TBC1D8: variants seen among roughly 807,000 people sequenced by gnomAD.
TBC1D8 encodes TBC1 domain family member 8.
A neutral mutation model predicts 118.8 loss-of-function variants in TBC1D8; 65 were observed. The ratio of observed to expected loss-of-function variants is 0.55; its 90% CI spans 0.45 to 0.67. The LOEUF is 0.67. Among genes scored for constraint, TBC1D8 ranks in the 30% least tolerant of loss-of-function variants. The pLI is 0.00. For synonymous variants in TBC1D8, 566 were observed against 595.8 expected, an observed-to-expected ratio of 0.95 and a Z score of 0.73; for missense variants, 1,376 against 1,471.2, an observed-to-expected ratio of 0.94 and a Z score of 1.06.
At chr2:101,136,062 G>A (rs1678842590) in intron 1 of TBC1D8, among the ~76,000 whole-genome samples, 1 of 152,072 alleles carries the variant, frequency 6.6e-6, no homozygotes, top group Admixed American at 6.5e-5. Context: ...GTTTCACCAT[G>A]TTGCCTAGGC....
chr2:101,113,935 T>C (rs569739323), intron 1 of TBC1D8, among the ~76,000 whole-genome samples: 2 of 152,294 alleles, frequency 1.3e-5, no homozygotes, highest in East Asian at 1.9e-4. Flanking sequence ...CCAAGCTACA[T>C]GCATTTCAAG....
chr2:101,127,471 A>G lies in TBC1D8; in HGVS notation c.127+23656T>C, dbSNP rs532946684. Among the ~76,000 whole-genome samples the G allele has an allele frequency of 2.0e-5, 3 of 152,266 alleles. No individual in the cohort carries two copies. The East Asian group carries it at 5.8e-4, about 29-fold the overall frequency. ...ACACCACTGAGGAGATGGGTCTACC[A>G]CGTGTAGAGAACAGACGTCAGTATG... is the stretch of plus-strand genomic sequence containing the variant. On this transcript the variant is annotated intron_variant, in intron 1 of 19. Coordinates refer to ENST00000409318, the MANE Select transcript of TBC1D8 (RefSeq NM_001330348.2).
rs112016704 is a variant in TBC1D8 at position 101,109,885 on chromosome 2, G to A, written c.128-19521C>T. ...GACTTTCCCTCCACAAGCCCAAACC[G>A]GCAAACTCTTTGCTGCATCTCCAGG... On this transcript the variant is annotated intron_variant, in intron 1 of 19. Coordinates refer to ENST00000409318, the MANE Select transcript of TBC1D8 (RefSeq NM_001330348.2). 2.6e-3 allele frequency: 2,540 copies of A among 985,418 alleles called. 50 individuals are homozygous for A. In the African/African-American group the frequency reaches 0.039, roughly 15 times the overall value. 61.0% of individuals were successfully genotyped at this position (985,418 alleles called of 1,614,324 possible).
Position 101,090,258 on chromosome 2 carries a change from T to C in TBC1D8, c.234A>G (p.Ala78=), listed in dbSNP as rs1239004981. 5.0e-6 allele frequency: 8 copies of C among 1,613,840 alleles called. No individual in the cohort carries two copies. The highest frequency in any genetic ancestry group is 1.1e-5 in the South Asian group (1 of 91,086). The stretch of plus-strand genomic sequence containing the variant: ...CTGATCCATTCAGTAACTCACCACA[T>C]GCTATGGGAGAATAAACCTGGGAGC... ...VPGSQVYSPI[A]CGELLNGSDV... Residue 78 remains alanine (A), a synonymous_variant, in exon 2 of 20, where the codon GCA becomes GCG. Transcript: ENST00000409318.
chr2:101,133,626 G>T (rs535406836), intron 1 of TBC1D8, among the ~76,000 whole-genome samples: 1 of 152,232 alleles, frequency 6.6e-6, no homozygotes, highest in East Asian at 1.9e-4. Context: ...GGAGCTCTCT[G>T]GGGTCTCTTT....
intron 1 of TBC1D8, among the ~76,000 whole-genome samples, chr2:101,147,556 C>A (rs775224008): frequency 2.6e-5 from 4 of 152,228 alleles, no homozygotes; most frequent in East Asian, 3.9e-4. Flanking sequence ...AACTGGAGTG[C>A]GGTATTTCCT....
chr2:101,113,117 T>G (rs1016001290), intron 1 of TBC1D8, among the ~76,000 whole-genome samples: 1 of 152,160 alleles, frequency 6.6e-6, no homozygotes, highest in African/African-American at 2.4e-5. Flanking sequence ...GAGAACCAGT[T>G]ATAAAGAATA....
chr2:101,013,978 C>CAGCCAAGTCATT, intron 17 of TBC1D8, among the ~76,000 whole-genome samples: 1 of 152,204 alleles, frequency 6.6e-6, no homozygotes, highest in Non-Finnish European at 1.5e-5. Context: ...AATTCCAATA[C>CAGCCAAGTCATT]AGCCAAGTCA....
chr2:101,057,862 T>C (rs1682530174), intron 3 of TBC1D8, among the ~76,000 whole-genome samples: 1 of 152,146 alleles, frequency 6.6e-6, no homozygotes, highest in South Asian at 2.1e-4. Context: ...GTTTTTCTCT[T>C]GTTAATCTTT....
At chr2:101,046,684 G>T (rs1573931164) in intron 5 of TBC1D8, among the ~76,000 whole-genome samples, 1 of 152,232 alleles carries the variant, frequency 6.6e-6, no homozygotes, top group East Asian at 1.9e-4. Flanking sequence ...GGGAGAGTGG[G>T]GGGAGGGGAG....
chr2:101,100,113 C>T (rs1432550385), intron 1 of TBC1D8, among the ~76,000 whole-genome samples: 2 of 152,136 alleles, frequency 1.3e-5, no homozygotes, highest in Non-Finnish European at 2.9e-5. Context: ...TAGAAAACCC[C>T]ATCATCTCAG....
intron 17 of TBC1D8, among the ~76,000 whole-genome samples, chr2:101,016,854 C>T (rs1189795510): frequency 6.6e-6 from 1 of 151,142 alleles, no homozygotes; most frequent in Non-Finnish European, 1.5e-5. Context: ...TGTTCTCACT[C>T]ATAGATGGGA....
chr2:101,011,464 G>A lies in TBC1D8; in HGVS notation c.2904C>T (p.Phe968=), dbSNP rs375301887. ...AGAGGTACGTGCCATTGGGTTTCCC[G>A]AAAACCAGGGGTCTCGATGTTGACA... The part of the protein sequence containing the change: ...PLLSTSRPLV[F]GKPNGDAVDY... Residue 968 remains phenylalanine (F), a synonymous_variant, in exon 18 of 20, where the codon TTC becomes TTT. Coordinates refer to ENST00000409318, the MANE Select transcript of TBC1D8 (RefSeq NM_001330348.2). The A allele has an allele frequency of 2.2e-5, 35 of 1,613,952 alleles. No homozygotes were observed. Among genetic ancestry groups the A allele is most frequent in the East Asian group, 4.5e-5 (2 of 44,884 alleles).
chr2:101,008,840 G>T (rs779494657), intron 19 of TBC1D8, among the ~76,000 whole-genome samples: 6 of 151,856 alleles, frequency 4.0e-5, no homozygotes, highest in African/African-American at 7.3e-5. Context: ...CCACAGCAAC[G>T]TACAGATTTA....
Position 101,010,969 on chromosome 2 carries a change from T to G in TBC1D8, c.2975A>C (p.Glu992Ala). 1 of 1,613,158 alleles carries G rather than the reference T, an allele frequency of 6.2e-7. No individual in the cohort carries two copies. Among genetic ancestry groups the G allele is most frequent in the Non-Finnish European group, 8.5e-7 (1 of 1,179,900 alleles). ...LKQMIKDLAK[E>A]KDKTEKELPK... Reference sequence around the variant, plus strand: ...CAATTCTTTCTCAGTTTTATCTTTTTCTTTGGCTAAATCCTTAATCATCTG... The same window carrying G: ...CAATTCTTTCTCAGTTTTATCTTTTGCTTTGGCTAAATCCTTAATCATCTG... Residue 992 changes from glutamate (E) to alanine (A), a missense_variant, in exon 19 of 20, where the codon GAA becomes GCA. Physicochemically the swap from Glu to Ala is moderately radical, Grantham distance 107 (BLOSUM62 -1). Transcript: ENST00000409318.
chr2:101,151,084 GCCC>G, intron 1 of TBC1D8, 40 bp downstream of exon 1: 1 of 1,001,044 alleles, frequency 1.0e-6, no homozygotes, highest in Non-Finnish European at 1.2e-6. Flanking sequence ...GGGGTGCGAG[GCCC>G]CGGGCCCGGC....
chr2:101,018,876 G>A, intron 17 of TBC1D8: 1 of 1,266,068 alleles, frequency 7.9e-7, no homozygotes, highest in Non-Finnish European at 1.1e-6. Context: ...AAGCAAAATG[G>A]CCAATATCCG....
chr2:101,048,400 C>T (rs1376668584), intron 5 of TBC1D8, among the ~76,000 whole-genome samples: 1 of 152,112 alleles, frequency 6.6e-6, no homozygotes, highest in African/African-American at 2.4e-5. Context: ...AGGTCCAAAT[C>T]CCAAAGGACA....
chr2:101,124,834 C>T (rs1165294686), intron 1 of TBC1D8, among the ~76,000 whole-genome samples: 1 of 152,146 alleles, frequency 6.6e-6, no homozygotes, highest in Non-Finnish European at 1.5e-5. Flanking sequence ...GCTGGGTGGC[C>T]AGGAATCCTC....
Sources: allele counts gnomAD v4.1 joint callset (sites outside exome capture counted in the v4.1 genomes callset), GRCh38; gene constraint gnomAD v4.1.1; transcripts MANE v1.5; gene names NCBI Gene and HGNC (gene_info 2026-07-23, HGNC 2026-07-21).